Variants in APBB2 observed in about 807,000 individuals in gnomAD.
APBB2 encodes Fe65-like 1.
Under a neutral mutation model 82.5 loss-of-function variants are expected in APBB2, and 38 were observed. The ratio of observed to expected loss-of-function variants is 0.46; its 90% confidence interval spans 0.36 to 0.60. APBB2 has a LOEUF of 0.60. Among genes scored for constraint, APBB2 ranks in the 20% least tolerant of loss-of-function variants. The pLI is 0.00. For synonymous variants in APBB2, 341 were observed against 368.2 expected (o/e 0.93, Z 0.85); for missense variants, 772 against 972.3 (o/e 0.79, Z 2.74).
chr4:40,897,696 G>A (rs992307564), intron 10 of APBB2, among the ~76,000 whole-genome samples: 1 of 152,110 alleles, frequency 6.6e-6, no homozygotes, highest in African/African-American at 2.4e-5. Flanking sequence ...GGTGTAAGCG[G>A]GACTAGGCAG....
chr4:41,161,787 A>T (rs1765232070), intron 1 of APBB2, among the ~76,000 whole-genome samples: 1 of 152,140 alleles, frequency 6.6e-6, no homozygotes, highest in African/African-American at 2.4e-5. Flanking sequence ...GAGCCTCCCA[A>T]ATTCCAGTGT....
At chr4:41,091,051 C>T (rs190082060) in intron 3 of APBB2, among the ~76,000 whole-genome samples, 9 of 152,200 alleles carry the variant, frequency 5.9e-5, no homozygotes, top group East Asian at 5.8e-4. Context: ...GTGTATTTGT[C>T]GGCTTATTTT....
At chr4:40,978,982 C>T (rs1168682250) in intron 6 of APBB2, among the ~76,000 whole-genome samples, 1 of 151,852 alleles carries the variant, frequency 6.6e-6, no homozygotes, top group Non-Finnish European at 1.5e-5. Context: ...ATAGAAAAGG[C>T]CCTAATACTG....
Position 41,125,919 on chromosome 4 carries a change from G to A in APBB2, c.-261+17068C>T, listed in dbSNP as rs753636374. Among the ~76,000 whole-genome samples, 41 of 152,170 alleles carry A rather than the reference G, an allele frequency of 2.7e-4. 1 individual carries two copies. The highest frequency in any genetic ancestry group is 1.2e-3 in the South Asian group (6 of 4,830). On this transcript the variant is annotated intron_variant, in intron 2 of 17. Coordinates refer to ENST00000508593, the MANE Select transcript of APBB2 (RefSeq NM_004307.2). ...CCGTCCACAAAGCTGTCCTGCCTCA[G>A]CAAGAATCTCATCTAGTCAGCTGAG...
At chr4:41,167,034 C>T (rs992055719) in intron 1 of APBB2, among the ~76,000 whole-genome samples, 4 of 152,160 alleles carry the variant, frequency 2.6e-5, no homozygotes, top group Non-Finnish European at 5.9e-5. Context: ...AGCCCTCCCA[C>T]GTTCAATAAT....
intron 6 of APBB2, among the ~76,000 whole-genome samples, chr4:40,966,257 C>T (rs988417566): frequency 2.1e-4 from 32 of 152,162 alleles, no homozygotes; most frequent in African/African-American, 5.8e-4. Flanking sequence ...TTTGTATGCA[C>T]GAACTGCTAT....
chr4:40,946,653 G>T lies in APBB2; in HGVS notation c.836-1580C>A, dbSNP rs1004323947. On this transcript the variant is annotated intron_variant, in intron 6 of 17. Transcript: ENST00000508593. ...ATCCACCGAGATGGAGGGGTAATAAGGGAATCACAGGCAGCTGAATCAATG... is the reference window on the plus strand; with the variant it reads ...ATCCACCGAGATGGAGGGGTAATAATGGAATCACAGGCAGCTGAATCAATG... Among the ~76,000 whole-genome samples, 3 of 152,044 alleles carry T rather than the reference G, an allele frequency of 2.0e-5. No individual in the cohort carries two copies. In the South Asian group the frequency reaches 6.2e-4, roughly 32 times the overall value.
At chr4:41,036,979 C>G (rs1719445855) in intron 4 of APBB2, among the ~76,000 whole-genome samples, 1 of 152,180 alleles carries the variant, frequency 6.6e-6, no homozygotes. Flanking sequence ...CTTTTAAGAA[C>G]AATATACAGC....
chr4:40,976,882 T>C (rs555870274), intron 6 of APBB2, among the ~76,000 whole-genome samples: 1 of 152,112 alleles, frequency 6.6e-6, no homozygotes, highest in Admixed American at 6.5e-5. Context: ...GACCCCATCC[T>C]ATAAAAAATA....
intron 1 of APBB2, among the ~76,000 whole-genome samples, chr4:41,184,543 T>A (rs944848184): frequency 6.6e-6 from 1 of 152,192 alleles, no homozygotes; most frequent in African/African-American, 2.4e-5. Flanking sequence ...AAATAGCTCC[T>A]TAAGGCCTTC....
Position 41,170,071 on chromosome 4 carries a change from G to A in APBB2, c.-416-26929C>T, listed in dbSNP as rs115285259. 7.3e-3 allele frequency among the ~76,000 whole-genome samples: 1,114 copies of A among 152,262 alleles called. 8 individuals are homozygous for A. The highest frequency in any genetic ancestry group is 0.024 in the Middle Eastern group (7 of 294). On this transcript the variant is annotated intron_variant, in intron 1 of 17. Transcript: ENST00000508593. Reference sequence around the variant, plus strand: ...TACCCCCTCTAAATAATCAGTTCAAGGCAGGGAACTCCCAAGTCTTACCAA... The same window carrying A: ...TACCCCCTCTAAATAATCAGTTCAAAGCAGGGAACTCCCAAGTCTTACCAA...
At position 41,014,398 on chromosome 4, in the gene APBB2, GCT is replaced by G; in HGVS notation, c.20-2_20-1del. On this transcript the variant is annotated splice_acceptor_variant, in intron 5 of 17. Transcript: ENST00000508593. LOFTEE classifies it high-confidence loss of function. ...TGCCAAGGTGTCAACACCTGAGTCA[GCT>G]GGGGAAAAAAAAAGTCATTAGACAC... The G allele has an allele frequency of 6.2e-7, 1 of 1,611,370 alleles. No individual in the cohort carries two copies. The highest frequency in any genetic ancestry group is 2.2e-5 in the East Asian group (1 of 44,854).
intron 10 of APBB2, among the ~76,000 whole-genome samples, chr4:40,901,909 A>ATATGTGTG (rs766567645): frequency 7.6e-5 from 11 of 145,436 alleles, no homozygotes; most frequent in African/African-American, 2.6e-4. Context: ...ATCCAAAATT[A>ATATGTGTG]TGTGTGTGTG....
intron 1 of APBB2, among the ~76,000 whole-genome samples, chr4:41,161,413 C>A (rs1377157171): frequency 6.6e-6 from 1 of 151,978 alleles, no homozygotes; most frequent in African/African-American, 2.4e-5. Flanking sequence ...TCAAGACTAG[C>A]CTGGGCAAGA....
intron 10 of APBB2, among the ~76,000 whole-genome samples, chr4:40,918,767 T>G (rs12648317): frequency 1.1e-3 from 167 of 149,408 alleles, no homozygotes; most frequent in African/African-American, 3.1e-3. Context: ...CTGTTTTTTT[T>G]TTTGTTTGTT....
chr4:41,012,535 T>C lies in APBB2; in HGVS notation c.835+1048A>G, dbSNP rs537659665. 6.9e-4 allele frequency among the ~76,000 whole-genome samples: 105 copies of C among 152,330 alleles called. 1 individual carries two copies. The highest frequency in any genetic ancestry group is 6.9e-3 in the Admixed American group (105 of 15,306). On this transcript the variant is annotated intron_variant, in intron 6 of 17. Transcript: ENST00000508593. Reference sequence around the variant, plus strand: ...CAGTAGTATGCATCATTGAAAGTACTGGGATTTTTAAAGGGCACTTCAAAA... The same window carrying C: ...CAGTAGTATGCATCATTGAAAGTACCGGGATTTTTAAAGGGCACTTCAAAA...
intron 5 of APBB2, among the ~76,000 whole-genome samples, chr4:41,029,320 T>A (rs1167526701): frequency 1.3e-5 from 2 of 152,200 alleles, no homozygotes; most frequent in Non-Finnish European, 2.9e-5. Flanking sequence ...AAAGGAAACC[T>A]TCAATGTGAC....
intron 4 of APBB2, among the ~76,000 whole-genome samples, chr4:41,041,112 T>C (rs554982420): frequency 1.3e-5 from 2 of 152,240 alleles, no homozygotes; most frequent in Non-Finnish European, 2.9e-5. Context: ...GATCTCCTGA[T>C]CTTGTGATTC....
chr4:41,158,901 A>T (rs1213252582), intron 1 of APBB2, among the ~76,000 whole-genome samples: 1 of 152,168 alleles, frequency 6.6e-6, no homozygotes, highest in Non-Finnish European at 1.5e-5. Flanking sequence ...CATAGCCGAG[A>T]TTCCATCCCA....
Sources: allele counts gnomAD v4.1 joint callset (sites outside exome capture counted in the v4.1 genomes callset), GRCh38; gene constraint gnomAD v4.1.1; transcripts MANE v1.5; gene names NCBI Gene and HGNC (gene_info 2026-07-23, HGNC 2026-07-21).